Variants in HCRTR2 observed in about 807,000 individuals in gnomAD.
HCRTR2 encodes orexin receptor type 2.
HCRTR2 carries 22 observed loss-of-function variants against 49.0 expected under a neutral mutation model. The observed-to-expected ratio is 0.45, with a 90% CI of 0.32 to 0.64. HCRTR2 has a LOEUF of 0.64. Among genes scored for constraint, HCRTR2 ranks in the 30% least tolerant of loss-of-function variants. HCRTR2 has a pLI of 0.04. For synonymous variants in HCRTR2, 236 were observed against 205.3 expected (o/e 1.15, Z -1.28); for missense variants, 491 against 559.4 (o/e 0.88, Z 1.23).
chr6:55,257,404 G>A (rs1339166377), intron 3 of HCRTR2, among the ~76,000 whole-genome samples: 1 of 151,988 alleles, frequency 6.6e-6, no homozygotes, highest in Non-Finnish European at 1.5e-5. Context: ...AAGTTTTATA[G>A]GGATTGCTAT....
At chr6:55,264,145 C>G (rs1267694097) in intron 4 of HCRTR2, among the ~76,000 whole-genome samples, 1 of 151,996 alleles carries the variant, frequency 6.6e-6, no homozygotes, top group Non-Finnish European at 1.5e-5. Context: ...AGGAATAACA[C>G]TAATTTCGCT....
intron 1 of HCRTR2, among the ~76,000 whole-genome samples, chr6:55,156,541 TCTCTCTCA>T (rs910646846): frequency 6.6e-6 from 1 of 151,442 alleles, no homozygotes; most frequent in Non-Finnish European, 1.5e-5. Flanking sequence ...GACAACTGTC[TCTCTCTCA>T]CTCTCTCTTT....
chr6:55,218,417 GT>G (rs1391841573), intron 1 of HCRTR2, among the ~76,000 whole-genome samples: 2 of 152,148 alleles, frequency 1.3e-5, no homozygotes, highest in Non-Finnish European at 2.9e-5. Flanking sequence ...TCTGTCAGTA[GT>G]TACTTTAGCC....
At chr6:55,238,233 C>T (rs1425750634) in intron 1 of HCRTR2, among the ~76,000 whole-genome samples, 1 of 152,124 alleles carries the variant, frequency 6.6e-6, no homozygotes, top group Non-Finnish European at 1.5e-5. Flanking sequence ...TGCTAATCAT[C>T]CTCAGTTCTT....
intron 1 of HCRTR2, among the ~76,000 whole-genome samples, chr6:55,114,516 C>T (rs112052148): frequency 2.3e-4 from 35 of 151,658 alleles, no homozygotes; most frequent in African/African-American, 7.3e-4. Flanking sequence ...CACCAAATTC[C>T]GATAACCCAG....
intron 1 of HCRTR2, among the ~76,000 whole-genome samples, chr6:55,145,616 C>T (rs1225229696): frequency 4.0e-5 from 6 of 151,898 alleles, no homozygotes; most frequent in African/African-American, 4.8e-5. Context: ...GGGGTTTCAC[C>T]GTGTTAGCCA....
At chr6:55,240,249 T>C (rs1010470063) in intron 1 of HCRTR2, among the ~76,000 whole-genome samples, 4 of 147,572 alleles carry the variant, frequency 2.7e-5, no homozygotes, top group Non-Finnish European at 5.9e-5. Context: ...TTCCAGCTAC[T>C]CAGGAGGCTG....
intron 4 of HCRTR2, among the ~76,000 whole-genome samples, chr6:55,265,338 CT>C (rs1267513160): frequency 6.6e-6 from 1 of 151,934 alleles, no homozygotes; most frequent in Non-Finnish European, 1.5e-5. Context: ...GGTTATTATT[CT>C]TCTATTAAAA....
intron 1 of HCRTR2, among the ~76,000 whole-genome samples, chr6:55,184,174 C>T (rs1243892382): frequency 6.6e-6 from 1 of 152,140 alleles, no homozygotes; most frequent in Admixed American, 6.5e-5. Context: ...GGCAATCCGC[C>T]CACCTTGGCC....
At chr6:55,247,856 C>T (rs1766475700) in intron 1 of HCRTR2, among the ~76,000 whole-genome samples, 1 of 151,988 alleles carries the variant, frequency 6.6e-6, no homozygotes, top group African/African-American at 2.4e-5. Flanking sequence ...AGAAAGGAGA[C>T]AAAATTGAGA....
At chr6:55,188,209 T>C (rs1765258329) in intron 1 of HCRTR2, among the ~76,000 whole-genome samples, 1 of 152,230 alleles carries the variant, frequency 6.6e-6, no homozygotes. Flanking sequence ...ACACATTTTC[T>C]GGTAAACTTA....
chr6:55,246,769 G>A (rs969965669), intron 1 of HCRTR2, among the ~76,000 whole-genome samples: 1 of 151,984 alleles, frequency 6.6e-6, no homozygotes, highest in African/African-American at 2.4e-5. Flanking sequence ...AGATATTAAT[G>A]CTATTCACTT....
intron 1 of HCRTR2, among the ~76,000 whole-genome samples, chr6:55,175,204 G>A (rs947792822): frequency 2.6e-5 from 4 of 152,044 alleles, no homozygotes; most frequent in Non-Finnish European, 5.9e-5. Flanking sequence ...GGGTTGGGAC[G>A]AGACAGAGCT....
At chr6:55,149,597 C>A (rs1229663781) in intron 1 of HCRTR2, among the ~76,000 whole-genome samples, 1 of 151,902 alleles carries the variant, frequency 6.6e-6, no homozygotes, top group Non-Finnish European at 1.5e-5. Context: ...GAATGTAAAC[C>A]CTTTAATGCA....
At chr6:55,270,075 T>C (rs940368221) in intron 4 of HCRTR2, among the ~76,000 whole-genome samples, 1 of 152,172 alleles carries the variant, frequency 6.6e-6, no homozygotes, top group African/African-American at 2.4e-5. Context: ...AATTATGAAT[T>C]CACTGTATTG....
chr6:55,225,806 T>C (rs967599997), intron 1 of HCRTR2, among the ~76,000 whole-genome samples: 5 of 152,220 alleles, frequency 3.3e-5, no homozygotes, highest in Non-Finnish European at 1.5e-5. Context: ...AAGTATAATT[T>C]CCATCAACTC....
chr6:55,180,791 A>G (rs796312407), intron 1 of HCRTR2, among the ~76,000 whole-genome samples: 75 of 151,898 alleles, frequency 4.9e-4, no homozygotes, highest in African/African-American at 1.8e-3. Flanking sequence ...TATTAAATAG[A>G]TGAACTTTTT....
At chr6:55,180,701 G>T (rs1282868950) in intron 1 of HCRTR2, among the ~76,000 whole-genome samples, 2 of 152,132 alleles carry the variant, frequency 1.3e-5, no homozygotes, top group South Asian at 4.1e-4. Context: ...ATAATCTACA[G>T]ATATTTGTTT....
intron 1 of HCRTR2, among the ~76,000 whole-genome samples, chr6:55,233,142 G>C (rs1225508255): frequency 6.6e-6 from 1 of 151,226 alleles, no homozygotes; most frequent in Non-Finnish European, 1.5e-5. Flanking sequence ...ACGCTGGAGT[G>C]CAATGGTGCA....
Sources: allele counts gnomAD v4.1 joint callset (sites outside exome capture counted in the v4.1 genomes callset), GRCh38; gene constraint gnomAD v4.1.1; transcripts MANE v1.5; gene names NCBI Gene and HGNC (gene_info 2026-07-23, HGNC 2026-07-21).